ASTN2: variants seen among roughly 807,000 people sequenced by gnomAD.
ASTN2 encodes astrotactin-2.
ASTN2 carries 54 observed loss-of-function variants against 139.8 expected under a neutral mutation model. The observed-to-expected ratio is 0.39, with a 90% CI of 0.31 to 0.48. The LOEUF (loss-of-function observed/expected upper bound fraction) is 0.48. Ranked by LOEUF, ASTN2 falls within the 20% of genes least tolerant of loss-of-function variation. The pLI is 0.95. For missense variants in ASTN2, 1,565 were observed against 1,725.1 expected, an observed-to-expected ratio of 0.91 and a Z score of 1.64; for synonymous variants, 756 against 719.5, an observed-to-expected ratio of 1.05 and a Z score of -0.81.
chr9:117,339,320 G>T (rs776938188), intron 1 of ASTN2, among the ~76,000 whole-genome samples: 8 of 152,154 alleles, frequency 5.3e-5, no homozygotes, highest in Non-Finnish European at 1.0e-4. Flanking sequence ...ATGCCACACC[G>T]CATTGGAGCT....
chr9:117,113,077 A>G (rs547025811), intron 4 of ASTN2, among the ~76,000 whole-genome samples: 17 of 152,326 alleles, frequency 1.1e-4, no homozygotes, highest in African/African-American at 3.8e-4. Flanking sequence ...TTTTAAAAAG[A>G]TCAGTCTTAC....
chr9:117,348,611 G>A (rs1354930293), intron 1 of ASTN2, among the ~76,000 whole-genome samples: 1 of 152,094 alleles, frequency 6.6e-6, no homozygotes, highest in Non-Finnish European at 1.5e-5. Flanking sequence ...GTGTATATGT[G>A]TTTGTTTGGG....
intron 2 of ASTN2, among the ~76,000 whole-genome samples, chr9:117,238,784 A>G (rs1833121075): frequency 6.6e-6 from 1 of 152,188 alleles, no homozygotes; most frequent in African/African-American, 2.4e-5. Context: ...TATAAAGATT[A>G]AGTTGGCTAG....
intron 1 of ASTN2, among the ~76,000 whole-genome samples, chr9:117,351,584 T>C (rs1184284239): frequency 2.0e-5 from 3 of 152,198 alleles, no homozygotes; most frequent in African/African-American, 7.2e-5. Context: ...TTCAAGTCTC[T>C]ACAATTTTCA....
At chr9:117,066,957 G>A (rs1454356757) in intron 5 of ASTN2, among the ~76,000 whole-genome samples, 1 of 111,840 alleles carries the variant, frequency 8.9e-6, no homozygotes, top group Non-Finnish European at 1.8e-5. Flanking sequence ...TTTGTAGGTT[G>A]CCTGTTCACT....
intron 1 of ASTN2, among the ~76,000 whole-genome samples, chr9:117,400,833 C>A (rs1438670820): frequency 1.3e-5 from 2 of 152,076 alleles, no homozygotes; most frequent in Non-Finnish European, 2.9e-5. Flanking sequence ...AGAGACTTGA[C>A]CACAGACACC....
chr9:117,303,547 A>T (rs1029169580), intron 1 of ASTN2, among the ~76,000 whole-genome samples: 1 of 152,086 alleles, frequency 6.6e-6, no homozygotes, highest in African/African-American at 2.4e-5. Context: ...ATGCAGCCAA[A>T]CCAGGACAAC....
intron 3 of ASTN2, among the ~76,000 whole-genome samples, chr9:117,183,120 T>C (rs1282062611): frequency 6.6e-6 from 1 of 152,192 alleles, no homozygotes; most frequent in Non-Finnish European, 1.5e-5. Context: ...GCATGCAGTA[T>C]GTTTCCTTCC....
chr9:117,092,369 C>CTT (rs1828727446), intron 5 of ASTN2, among the ~76,000 whole-genome samples: 1 of 152,124 alleles, frequency 6.6e-6, no homozygotes, highest in African/African-American at 2.4e-5. Flanking sequence ...TAAATCTCTA[C>CTT]TTAGAGATTG....
At chr9:117,131,285 T>C (rs1450353268) in intron 4 of ASTN2, among the ~76,000 whole-genome samples, 1 of 152,062 alleles carries the variant, frequency 6.6e-6, no homozygotes, top group Non-Finnish European at 1.5e-5. Flanking sequence ...CCTCTTCTTT[T>C]GGAGTTTAGG....
At chr9:116,468,344 T>C (rs1050492908) in intron 20 of ASTN2, among the ~76,000 whole-genome samples, 7 of 152,226 alleles carry the variant, frequency 4.6e-5, no homozygotes, top group African/African-American at 1.4e-4. Context: ...AGGACAGTTA[T>C]AGTACATAGG....
intron 7 of ASTN2, among the ~76,000 whole-genome samples, chr9:117,003,338 C>T (rs1355325620): frequency 6.6e-6 from 1 of 152,150 alleles, no homozygotes; most frequent in Non-Finnish European, 1.5e-5. Context: ...TCAGGCTTAA[C>T]TCCAGACCTG....
intron 20 of ASTN2, among the ~76,000 whole-genome samples, chr9:116,446,096 GGA>G (rs1050700120): frequency 6.6e-6 from 1 of 152,004 alleles, no homozygotes; most frequent in African/African-American, 2.4e-5. Flanking sequence ...CTGATATGAA[GGA>G]GAGAGGGAGA....
intron 11 of ASTN2, among the ~76,000 whole-genome samples, chr9:116,830,676 C>T (rs189843611): frequency 6.6e-6 from 1 of 151,608 alleles, no homozygotes; most frequent in Admixed American, 6.6e-5. Flanking sequence ...CCTATACTCC[C>T]AGCTACTCAG....
intron 3 of ASTN2, among the ~76,000 whole-genome samples, chr9:117,144,323 A>C (rs144535774): frequency 1.3e-4 from 20 of 152,162 alleles, no homozygotes; most frequent in Non-Finnish European, 2.8e-4. Flanking sequence ...CCTAATCCGA[A>C]AATCTGAAAT....
intron 1 of ASTN2, among the ~76,000 whole-genome samples, chr9:117,305,777 C>G (rs949837528): frequency 6.6e-6 from 1 of 152,180 alleles, no homozygotes; most frequent in African/African-American, 2.4e-5. Context: ...GCTGTGTGCA[C>G]ATATCTCATT....
chr9:116,998,565 C>CCATCCATCCATCCATCCATCCATCCATA (rs916525786), intron 7 of ASTN2, among the ~76,000 whole-genome samples: 2 of 151,980 alleles, frequency 1.3e-5, no homozygotes, highest in South Asian at 4.2e-4. Flanking sequence ...ATCCATCCAT[C>CCATCCATCCATCCATCCATCCATCCATA]CATCCATACA....
rs1449187935 is a variant in ASTN2 at position 116,813,157 on chromosome 9, A to G, written c.2208-7337T>C. Among the ~76,000 whole-genome samples, 4 of 152,296 alleles carry G rather than the reference A, an allele frequency of 2.6e-5. No homozygotes were observed. In the South Asian group the frequency reaches 6.2e-4, roughly 24 times the overall value. ...CCAGCCAAGATCTACATGAAACTCTATTTATACATGTGCCAAAATGAAAAA... is the reference window on the plus strand; with the variant it reads ...CCAGCCAAGATCTACATGAAACTCTGTTTATACATGTGCCAAAATGAAAAA... On this transcript the variant is annotated intron_variant, in intron 12 of 22. Coordinates refer to ENST00000313400, the MANE Select transcript of ASTN2 (RefSeq NM_001365068.1).
chr9:117,305,110 A>G (rs1179196583), intron 1 of ASTN2, among the ~76,000 whole-genome samples: 1 of 152,154 alleles, frequency 6.6e-6, no homozygotes, highest in Non-Finnish European at 1.5e-5. Context: ...AGGTGACATG[A>G]CAGAATGTTG....
Sources: gnomAD v4.1 joint callset for allele counts (sites outside exome capture counted in the v4.1 genomes callset) on GRCh38, gnomAD v4.1.1 for gene constraint, MANE v1.5 for transcripts, NCBI Gene and HGNC (gene_info 2026-07-23, HGNC 2026-07-21) for gene names.